Variants in BBX observed in about 807,000 individuals in gnomAD.
BBX encodes the protein HMG box transcription factor BBX.
A neutral mutation model predicts 100.2 loss-of-function variants in BBX; 30 were observed. The observed-to-expected ratio is 0.30, with a 90% CI of 0.22 to 0.41. BBX has a LOEUF of 0.41. BBX is among the 10% of genes least tolerant of loss of function. The pLI, the probability that BBX is intolerant of heterozygous loss-of-function variation, is 1.00. For missense variants in BBX, 1,023 were observed against 1,129.8 expected (o/e 0.91, Z 1.35); for synonymous variants, 376 against 388.1 (o/e 0.97, Z 0.37).
At chr3:107,697,111 CAA>C (rs1158920225) in intron 3 of BBX, among the ~76,000 whole-genome samples, 3 of 148,826 alleles carry the variant, frequency 2.0e-5, no homozygotes, top group African/African-American at 7.4e-5. Context: ...AAATTTTTTT[CAA>C]AGTTTTCAAC....
At chr3:107,548,050 A>G (rs1347780900) in intron 2 of BBX, among the ~76,000 whole-genome samples, 2 of 152,136 alleles carry the variant, frequency 1.3e-5, no homozygotes, top group Non-Finnish European at 2.9e-5. Flanking sequence ...TCAGAGCCTA[A>G]TTAAGTTGGT....
intron 3 of BBX, among the ~76,000 whole-genome samples, chr3:107,702,085 T>C (rs893397227): frequency 3.3e-5 from 5 of 152,268 alleles, no homozygotes; most frequent in South Asian, 4.1e-4. Flanking sequence ...CAACCTGAGA[T>C]TGAAAACTTT....
In BBX at chr3:107,798,694, G is replaced by A. The variant is rs2070024902; in HGVS notation, c.2525G>A (p.Arg842Gln). ...CACCTTGTCAGGACAGCAGATGGCC[G>A]GGTATCACCAGCAGGAGGTACTTTG... Reference protein sequence around the residue: ...ITHLVRTADGRVSPAGGTLDD... With the variant: ...ITHLVRTADGQVSPAGGTLDD... The change falls in exon 16 of 18, where the codon CGG (arginine) becomes CAG (glutamine). Residue 842 changes from arginine to glutamine, a missense_variant. Coordinates refer to ENST00000325805, the MANE Select transcript of BBX (RefSeq NM_001142568.3). 1.9e-6 allele frequency: 3 copies of A among 1,613,870 alleles called. No individual in the cohort carries two copies. The highest frequency in any genetic ancestry group is 1.3e-5 in the African/African-American group (1 of 74,856).
At position 107,730,861 on chromosome 3, in the gene BBX, G is replaced by A. The variant is rs148300964; in HGVS notation, c.601+1901G>A. ...TGTTCCTTTTCAACAAGATGAAAGCGAACTAATTTGTCTTTAATTAAATCC... is the reference window on the plus strand; with the variant it reads ...TGTTCCTTTTCAACAAGATGAAAGCAAACTAATTTGTCTTTAATTAAATCC... On this transcript the variant is annotated intron_variant, in intron 6 of 17. Transcript: ENST00000325805. Among the ~76,000 whole-genome samples, 875 of 152,214 alleles carry A rather than the reference G, an allele frequency of 5.7e-3. 9 individuals are homozygous for A. The highest frequency in any genetic ancestry group is 0.019 in the African/African-American group (792 of 41,522).
At chr3:107,713,867 C>T (rs1488004737) in intron 4 of BBX, among the ~76,000 whole-genome samples, 1 of 151,854 alleles carries the variant, frequency 6.6e-6, no homozygotes, top group African/African-American at 2.4e-5. Flanking sequence ...GACTTAATCC[C>T]TGTTAGTTCC....
Position 107,630,726 on chromosome 3 carries a change from A to G in BBX, c.-83-15110A>G, listed in dbSNP as rs534763673. Reference sequence around the variant, plus strand: ...GATTATAAGGAAAAGTTGTGGAGGAACAGTGTACACAGTAGACAGGCATGT... The same window carrying G: ...GATTATAAGGAAAAGTTGTGGAGGAGCAGTGTACACAGTAGACAGGCATGT... On this transcript the variant is annotated intron_variant, in intron 2 of 17. Coordinates refer to ENST00000325805, the MANE Select transcript of BBX (RefSeq NM_001142568.3). 2.0e-5 allele frequency among the ~76,000 whole-genome samples: 3 copies of G among 152,312 alleles called. No homozygotes were observed. In the East Asian group the frequency reaches 5.8e-4, roughly 29 times the overall value.
At chr3:107,579,342 C>G (rs931081623) in intron 2 of BBX, among the ~76,000 whole-genome samples, 20 of 152,186 alleles carry the variant, frequency 1.3e-4, no homozygotes, top group Admixed American at 8.5e-4. Context: ...ATCTCTCAGT[C>G]TGGAGCCTCC....
At chr3:107,545,159 G>A (rs1162867772) in intron 2 of BBX, among the ~76,000 whole-genome samples, 1 of 152,140 alleles carries the variant, frequency 6.6e-6, no homozygotes, top group Non-Finnish European at 1.5e-5. Context: ...TATTTTCCAA[G>A]TTAGTGTGTC....
intron 10 of BBX, among the ~76,000 whole-genome samples, chr3:107,763,231 T>G (rs2066046455): frequency 6.6e-6 from 1 of 151,500 alleles, no homozygotes. Context: ...ATTACCTTTT[T>G]TTTTTTTTTT....
intron 2 of BBX, among the ~76,000 whole-genome samples, chr3:107,632,322 T>G (rs1182886315): frequency 6.6e-6 from 1 of 152,134 alleles, no homozygotes; most frequent in Non-Finnish European, 1.5e-5. Context: ...TGACCTCAGA[T>G]AATCTGCCAG....
intron 10 of BBX, among the ~76,000 whole-genome samples, chr3:107,763,465 T>G (rs1430904267): frequency 1.3e-5 from 2 of 152,190 alleles, no homozygotes; most frequent in African/African-American, 2.4e-5. Context: ...AAGAATACAT[T>G]TTAAAATACA....
Position 107,787,571 on chromosome 3 carries a change from G to A in BBX, c.2204-2216G>A, listed in dbSNP as rs147121477. ...GATGAAATGTTCAAAAATTGGTGCCGGTTGCAAATATCTGAATATAAACAC... is the reference window on the plus strand; with the variant it reads ...GATGAAATGTTCAAAAATTGGTGCCAGTTGCAAATATCTGAATATAAACAC... On this transcript the variant is annotated intron_variant, in intron 13 of 17. Transcript: ENST00000325805. Among the ~76,000 whole-genome samples the A allele has an allele frequency of 6.4e-3, 972 of 152,230 alleles. 9 individuals carry two copies. The highest frequency in any genetic ancestry group is 0.021 in the African/African-American group (892 of 41,546).
intron 2 of BBX, among the ~76,000 whole-genome samples, chr3:107,583,938 T>A (rs1405561253): frequency 1.0e-5 from 1 of 100,318 alleles, no homozygotes; most frequent in Non-Finnish European, 1.8e-5. Flanking sequence ...AATATATATA[T>A]TATATATATT....
At chr3:107,587,454 GA>G (rs1323901602) in intron 2 of BBX, among the ~76,000 whole-genome samples, 7 of 151,892 alleles carry the variant, frequency 4.6e-5, no homozygotes, top group African/African-American at 1.7e-4. Context: ...ATCTACCCTA[GA>G]AATTGCTGTT....
intron 9 of BBX, among the ~76,000 whole-genome samples, chr3:107,755,049 A>T (rs2065369256): frequency 6.6e-6 from 1 of 152,204 alleles, no homozygotes; most frequent in African/African-American, 2.4e-5. Context: ...GGCCTTGATT[A>T]TCAGTCTTTG....
chr3:107,758,962 C>T (rs2065692289), intron 10 of BBX, among the ~76,000 whole-genome samples: 1 of 152,138 alleles, frequency 6.6e-6, no homozygotes, highest in Non-Finnish European at 1.5e-5. Context: ...ATGAACAGTC[C>T]TTCCAAACAT....
In BBX at chr3:107,807,372, T is replaced by C. The variant is rs2071114640; in HGVS notation, c.*1915T>C. On this transcript the variant is annotated 3_prime_UTR_variant, in exon 18 of 18. Transcript: ENST00000325805. ...AAGTGAGCAGTTCCAGACTTTTGCA[T>C]AATATTTTTACTATGATGCTGTTTT... The C allele has an allele frequency of 6.6e-6, 1 of 152,196 alleles. No homozygotes were observed. Among genetic ancestry groups the C allele is most frequent in the African/African-American group, 2.4e-5 (1 of 41,446 alleles). 9.4% of individuals were successfully genotyped at this position (152,196 alleles called of 1,614,324 possible). A position where few individuals can be genotyped will look rare whatever the true frequency, so the allele number is the denominator to read the frequency against.
intron 13 of BBX, among the ~76,000 whole-genome samples, chr3:107,779,430 A>G (rs1453602792): frequency 6.6e-6 from 1 of 152,124 alleles, no homozygotes; most frequent in Non-Finnish European, 1.5e-5. Flanking sequence ...CATATATGAA[A>G]TACTTCATTC....
At chr3:107,592,783 T>A (rs1484980244) in intron 2 of BBX, among the ~76,000 whole-genome samples, 1 of 152,136 alleles carries the variant, frequency 6.6e-6, no homozygotes, top group Non-Finnish European at 1.5e-5. Flanking sequence ...AGGTGATCCT[T>A]GATCCTGAGC....
Sources: gnomAD v4.1 joint callset for allele counts (sites outside exome capture counted in the v4.1 genomes callset) on GRCh38, gnomAD v4.1.1 for gene constraint, MANE v1.5 for transcripts, NCBI Gene and HGNC (gene_info 2026-07-23, HGNC 2026-07-21) for gene names.